Variants in FGD4 observed in about 807,000 individuals in gnomAD.
FGD4 encodes the protein FYVE, RhoGEF and PH domain containing 4, also known as FYVE, RhoGEF and PH domain-containing protein 4.
A neutral mutation model predicts 102.0 loss-of-function variants in FGD4; 42 were observed. The ratio of observed to expected loss-of-function variants is 0.41; its 90% confidence interval spans 0.32 to 0.53. The LOEUF is 0.53. Ranked by LOEUF, FGD4 falls within the 20% of genes least tolerant of loss-of-function variation. FGD4 has a pLI of 0.21. For synonymous variants in FGD4, 380 were observed against 375.7 expected (o/e 1.01, Z -0.13); for missense variants, 902 against 1,078.2 (o/e 0.84, Z 2.29).
At chr12:32,621,615 C>G (rs1949848042) in intron 11 of FGD4, among the ~76,000 whole-genome samples, 2 of 152,174 alleles carry the variant, frequency 1.3e-5, no homozygotes, top group Admixed American at 1.3e-4. Flanking sequence ...GGTGAATTTA[C>G]AGTTTTGGAA....
At chr12:32,481,497 C>A (rs952673663) in intron 1 of FGD4, among the ~76,000 whole-genome samples, 1 of 152,092 alleles carries the variant, frequency 6.6e-6, no homozygotes, top group African/African-American at 2.4e-5. Context: ...AGACTTTAGA[C>A]CTATGCCGTC....
intron 3 of FGD4, among the ~76,000 whole-genome samples, chr12:32,577,451 A>T (rs1946219875): frequency 6.6e-6 from 1 of 152,204 alleles, no homozygotes; most frequent in Admixed American, 6.5e-5. Context: ...TAGTTTGATT[A>T]TCTTCTGGGA....
In FGD4 at chr12:32,523,839, G is replaced by A. The variant is rs953517128; in HGVS notation, c.167-40298G>A. On this transcript the variant is annotated intron_variant, in intron 1 of 16. Coordinates refer to ENST00000534526, the MANE Select transcript of FGD4 (RefSeq NM_001370298.3). The stretch of plus-strand genomic sequence containing the variant: ...AATACAAAAACAAAATTAGCCGGGC[G>A]TTGTGGCAGGCACCTGTAGTCCCAG... Among the ~76,000 whole-genome samples the A allele has an allele frequency of 2.6e-5, 4 of 151,838 alleles. No homozygotes were observed. The East Asian group carries it at 7.9e-4, about 30-fold the overall frequency.
chr12:32,542,216 G>A (rs2136137127), intron 1 of FGD4, among the ~76,000 whole-genome samples: 1 of 152,312 alleles, frequency 6.6e-6, no homozygotes, highest in South Asian at 2.1e-4. Context: ...GGCTGAGGTA[G>A]TTTTAAGCAG....
chr12:32,631,166 C>T (rs1242689706), intron 14 of FGD4, among the ~76,000 whole-genome samples: 1 of 152,030 alleles, frequency 6.6e-6, no homozygotes, highest in African/African-American at 2.4e-5. Flanking sequence ...ATTGATGCTA[C>T]ATATAAACAT....
intron 14 of FGD4, among the ~76,000 whole-genome samples, chr12:32,627,126 C>T (rs948616062): frequency 6.7e-5 from 10 of 148,698 alleles, no homozygotes; most frequent in Non-Finnish European, 1.2e-4. Flanking sequence ...GGGTTACAGG[C>T]GTGAGCCACC....
chr12:32,487,813 C>T (rs953196504), intron 1 of FGD4, among the ~76,000 whole-genome samples: 4 of 152,180 alleles, frequency 2.6e-5, no homozygotes, highest in Admixed American at 2.0e-4. Context: ...GCAGTCCTCC[C>T]GCCTCAGCCT....
intron 3 of FGD4, among the ~76,000 whole-genome samples, chr12:32,580,886 CAAAAAA>C (rs533419575): frequency 1.4e-5 from 1 of 72,140 alleles, no homozygotes; most frequent in Non-Finnish European, 3.0e-5. Context: ...GACTCCGTCT[CAAAAAA>C]AAAAAAAAAA....
intron 1 of FGD4, among the ~76,000 whole-genome samples, chr12:32,514,262 T>C (rs750308371): frequency 6.6e-6 from 1 of 152,222 alleles, no homozygotes; most frequent in Admixed American, 6.5e-5. Flanking sequence ...ACAGAAGCAG[T>C]ATGAATGTTG....
intron 5 of FGD4, among the ~76,000 whole-genome samples, chr12:32,599,820 T>A (rs1160795998): frequency 6.6e-6 from 1 of 151,892 alleles, no homozygotes; most frequent in Admixed American, 6.6e-5. Flanking sequence ...AGTGCTGGGA[T>A]TACAGGCGTG....
chr12:32,427,983 T>C (rs1483393127), intron 1 of FGD4, among the ~76,000 whole-genome samples: 1 of 152,240 alleles, frequency 6.6e-6, no homozygotes, highest in Non-Finnish European at 1.5e-5. Flanking sequence ...ATCTCCTGAA[T>C]ACAGCACACC....
chr12:32,552,542 A>C (rs993199570), intron 1 of FGD4, among the ~76,000 whole-genome samples: 3 of 148,192 alleles, frequency 2.0e-5, no homozygotes, highest in African/African-American at 7.4e-5. Context: ...TTGGCCTCTC[A>C]AAGTGCTGGG....
At chr12:32,486,130 T>C in intron 1 of FGD4, 1 of 1,529,874 alleles carries the variant, frequency 6.5e-7, no homozygotes, top group Non-Finnish European at 8.7e-7. Context: ...GAAAAGAATC[T>C]TTTATGGGGG....
chr12:32,402,020 A>C (rs1412749569), intron 1 of FGD4, among the ~76,000 whole-genome samples: 1 of 149,020 alleles, frequency 6.7e-6, no homozygotes, highest in Non-Finnish European at 1.5e-5. Flanking sequence ...CTCCTGCCTC[A>C]GCCTCCCGAG....
intron 1 of FGD4, among the ~76,000 whole-genome samples, chr12:32,531,939 G>A (rs556903292): frequency 7.0e-4 from 107 of 152,134 alleles, no homozygotes; most frequent in African/African-American, 2.5e-3. Context: ...AATCATAATT[G>A]TTATATTTTA....
intron 1 of FGD4, among the ~76,000 whole-genome samples, chr12:32,539,540 G>A (rs528720398): frequency 4.6e-5 from 7 of 150,724 alleles, no homozygotes; most frequent in Non-Finnish European, 1.0e-4. Context: ...TTGCACTCCA[G>A]CCTGGGCAAC....
Position 32,520,425 on chromosome 12 carries a change from G to GT in FGD4, c.167-43705dup, listed in dbSNP as rs572548423. ...TGCCCTATTTTAAGTTCTATTGTGGGTTTTTTTGTTTTTTGTTTTTTTTTT... is the reference window on the plus strand; with the variant it reads ...TGCCCTATTTTAAGTTCTATTGTGGGTTTTTTTTGTTTTTTGTTTTTTTTTT... On this transcript the variant is annotated intron_variant, in intron 1 of 16. Coordinates refer to ENST00000534526, the MANE Select transcript of FGD4 (RefSeq NM_001370298.3). 5.1e-3 allele frequency among the ~76,000 whole-genome samples: 569 copies of GT among 111,314 alleles called. 14 individuals are homozygous for GT. Among genetic ancestry groups the GT allele is most frequent in the Middle Eastern group, 6.2e-3 (1 of 162 alleles). 73.0% of individuals were successfully genotyped at this position (111,314 alleles called of 152,430 possible). A position where few individuals can be genotyped will look rare whatever the true frequency, so the allele number is the denominator to read the frequency against.
intron 2 of FGD4, among the ~76,000 whole-genome samples, chr12:32,574,526 A>C (rs1029313118): frequency 6.6e-6 from 1 of 152,174 alleles, no homozygotes; most frequent in Non-Finnish European, 1.5e-5. Flanking sequence ...TTGTTCCCAG[A>C]TAATACTATG....
chr12:32,494,447 T>C (rs888018176), intron 1 of FGD4, among the ~76,000 whole-genome samples: 5 of 152,218 alleles, frequency 3.3e-5, no homozygotes, highest in Non-Finnish European at 5.9e-5. Context: ...TGCTTTCTTA[T>C]TTACAGAGAT....
Sources: gnomAD v4.1 joint callset for allele counts (sites outside exome capture counted in the v4.1 genomes callset) on GRCh38, gnomAD v4.1.1 for gene constraint, MANE v1.5 for transcripts, NCBI Gene and HGNC (gene_info 2026-07-23, HGNC 2026-07-21) for gene names.